The following ADAMTS6 variants were observed in gnomAD, a reference collection of about 807,000 sequenced individuals.
ADAMTS6 encodes the protein A disintegrin and metalloproteinase with thrombospondin motifs 6.
ADAMTS6 carries 23 observed loss-of-function variants against 144.3 expected under a neutral mutation model. That is an observed-to-expected ratio of 0.16 (90% CI 0.11 to 0.23). ADAMTS6 has a LOEUF of 0.23. Ranked by LOEUF, ADAMTS6 falls within the 10% of genes least tolerant of loss-of-function variation. ADAMTS6 has a pLI of 1.00. For missense variants in ADAMTS6, 999 were observed against 1,379.6 expected (o/e 0.72, Z 4.37); for synonymous variants, 444 against 457.5 (o/e 0.97, Z 0.38).
intron 7 of ADAMTS6, among the ~76,000 whole-genome samples, chr5:65,398,883 A>C (rs909124180): frequency 3.9e-5 from 6 of 152,172 alleles, no homozygotes; most frequent in Non-Finnish European, 8.8e-5. Flanking sequence ...AAAGAAAAAG[A>C]AGCAAGCTAA....
At chr5:65,373,488 A>T (rs372005190) in intron 7 of ADAMTS6, among the ~76,000 whole-genome samples, 15 of 151,194 alleles carry the variant, frequency 9.9e-5, no homozygotes, top group East Asian at 9.7e-4. Flanking sequence ...ACCTCTACGC[A>T]AATAAACTAG....
intron 12 of ADAMTS6, among the ~76,000 whole-genome samples, chr5:65,264,294 C>T (rs1166835993): frequency 5.3e-5 from 8 of 152,158 alleles, no homozygotes; most frequent in Admixed American, 5.2e-4. Flanking sequence ...CCTTCCTCAG[C>T]CCCATTCTCT....
At chr5:65,333,101 A>G (rs1746934584) in intron 8 of ADAMTS6, among the ~76,000 whole-genome samples, 1 of 152,156 alleles carries the variant, frequency 6.6e-6, no homozygotes, top group African/African-American at 2.4e-5. Flanking sequence ...TGAGGTGCAT[A>G]GGAATCAATT....
intron 20 of ADAMTS6, among the ~76,000 whole-genome samples, chr5:65,211,390 T>C (rs1756523046): frequency 6.6e-6 from 1 of 152,042 alleles, no homozygotes. Context: ...TCACTTGAGG[T>C]CAGGAGTTCA....
At chr5:65,479,649 A>G (rs1214140936) in intron 1 of ADAMTS6, among the ~76,000 whole-genome samples, 1 of 152,150 alleles carries the variant, frequency 6.6e-6, no homozygotes, top group East Asian at 1.9e-4. Context: ...TCATTCACTC[A>G]CTAAAGTCAC....
chr5:65,431,915 T>A (rs974055570), intron 7 of ADAMTS6, among the ~76,000 whole-genome samples: 2 of 152,054 alleles, frequency 1.3e-5, no homozygotes, highest in Admixed American at 6.6e-5. Context: ...TATACTTAAC[T>A]ATAGATGGTA....
At chr5:65,281,708 A>C (rs1367612171) in intron 11 of ADAMTS6, among the ~76,000 whole-genome samples, 1 of 152,142 alleles carries the variant, frequency 6.6e-6, no homozygotes, top group Admixed American at 6.6e-5. Flanking sequence ...AAATATTAAC[A>C]AATATAAGTG....
At chr5:65,351,980 T>C (rs772252281) in intron 7 of ADAMTS6, among the ~76,000 whole-genome samples, 7 of 152,208 alleles carry the variant, frequency 4.6e-5, no homozygotes, top group Admixed American at 1.3e-4. Flanking sequence ...ATGAATTATA[T>C]AGCATACATA....
intron 1 of ADAMTS6, among the ~76,000 whole-genome samples, chr5:65,480,579 G>A (rs933839167): frequency 6.6e-6 from 1 of 152,070 alleles, no homozygotes; most frequent in South Asian, 2.1e-4. Context: ...TTTTCCTCTA[G>A]TACAGGGAAA....
At position 65,347,942 on chromosome 5, in the gene ADAMTS6, T is replaced by G. The variant is rs574579306; in HGVS notation, c.1074-13857A>C. Among the ~76,000 whole-genome samples, 198 of 152,224 alleles carry G rather than the reference T, an allele frequency of 1.3e-3. 1 individual carries two copies. In the Middle Eastern group the frequency reaches 0.014, roughly 10 times the overall value. ...AAAGAATGTTCAACATCAGTAATCA[T>G]CAGGGAAATGCAAATTAAAACCACA... is the stretch of plus-strand genomic sequence containing the variant. On this transcript the variant is annotated intron_variant, in intron 7 of 24. Transcript: ENST00000381055.
Position 65,473,606 on chromosome 5 carries a change from C to T in ADAMTS6, c.68G>A (p.Ser23Asn). ...SLIMASSEFH[S>N]DHRLSYSSQE... ...AGAACTGTATGAAAGCCTGTGGTCA[C>T]TATGAAATTCCGATGAAGCCATGAT... The change falls in exon 2 of 25, where the codon AGT becomes AAT. Residue 23 changes from serine to asparagine, a missense_variant. This residue lies in a region of ADAMTS6 where 252 missense variants were observed against 293.7 expected (regional missense o/e 0.86). Coordinates refer to ENST00000381055, the MANE Select transcript of ADAMTS6 (RefSeq NM_197941.4). The T allele has an allele frequency of 6.2e-7, 1 of 1,613,774 alleles. No individual in the cohort carries two copies. Among genetic ancestry groups the T allele is most frequent in the Non-Finnish European group, 8.5e-7 (1 of 1,179,736 alleles).
chr5:65,159,361 T>C (rs912671728), intron 24 of ADAMTS6, among the ~76,000 whole-genome samples: 2 of 151,812 alleles, frequency 1.3e-5, no homozygotes, highest in Non-Finnish European at 2.9e-5. Flanking sequence ...AAAGATAGAG[T>C]CCTAGCTTCC....
chr5:65,399,287 T>G (rs1753718844), intron 7 of ADAMTS6, among the ~76,000 whole-genome samples: 1 of 152,194 alleles, frequency 6.6e-6, no homozygotes, highest in Non-Finnish European at 1.5e-5. Context: ...AGACAACATA[T>G]AGTTTCATTG....
At chr5:65,372,822 C>G (rs958457233) in intron 7 of ADAMTS6, among the ~76,000 whole-genome samples, 2 of 152,260 alleles carry the variant, frequency 1.3e-5, no homozygotes, top group Admixed American at 1.3e-4. Flanking sequence ...TAGCACCACA[C>G]CACACCTATT....
At chr5:65,309,233 A>G (rs1001303718) in intron 9 of ADAMTS6, among the ~76,000 whole-genome samples, 3 of 151,938 alleles carry the variant, frequency 2.0e-5, no homozygotes, top group Non-Finnish European at 4.4e-5. Context: ...ACTCACTACA[A>G]TGTAGAATCA....
chr5:65,236,572 C>T (rs941515496), intron 15 of ADAMTS6, among the ~76,000 whole-genome samples: 1 of 152,130 alleles, frequency 6.6e-6, no homozygotes, highest in African/African-American at 2.4e-5. Flanking sequence ...CAGGCATGAG[C>T]CACCACACCT....
chr5:65,301,135 A>G (rs1422823108), intron 9 of ADAMTS6, among the ~76,000 whole-genome samples: 1 of 152,134 alleles, frequency 6.6e-6, no homozygotes, highest in Non-Finnish European at 1.5e-5. Context: ...AGTGCTAACA[A>G]TGTGATCTAA....
intron 24 of ADAMTS6, among the ~76,000 whole-genome samples, chr5:65,154,626 C>T (rs1418576933): frequency 1.3e-5 from 2 of 152,176 alleles, no homozygotes; most frequent in Non-Finnish European, 2.9e-5. Flanking sequence ...CAAGTTACTT[C>T]ACCTCTCTAA....
intron 4 of ADAMTS6, among the ~76,000 whole-genome samples, chr5:65,455,268 T>G (rs1474071372): frequency 6.6e-6 from 1 of 152,170 alleles, no homozygotes; most frequent in Admixed American, 6.5e-5. Flanking sequence ...TCAGGTCGAG[T>G]GTGATGGCTC....
Sources: gnomAD v4.1 joint callset for allele counts (sites outside exome capture counted in the v4.1 genomes callset) on GRCh38, gnomAD v4.1.1 for gene constraint, gnomAD v4.1.1 regional missense constraint, MANE v1.5 for transcripts, NCBI Gene and HGNC (gene_info 2026-07-23, HGNC 2026-07-21) for gene names.